PLB1: variants seen among roughly 807,000 people sequenced by gnomAD.
PLB1 encodes phospholipase B1, membrane-associated.
A neutral mutation model predicts 227.4 loss-of-function variants in PLB1; 242 were observed. The ratio of observed to expected loss-of-function variants is 1.06; its 90% CI spans 0.96 to 1.18. The LOEUF (loss-of-function observed/expected upper bound fraction) is 1.18, where lower values mean the gene tolerates loss of function less well. PLB1 is among the 50% of genes most tolerant of loss of function. The probability of loss-of-function intolerance (pLI) is 0.00; values close to 1 mark genes in which losing one functional copy is unlikely to be tolerated. For synonymous variants in PLB1, 757 were observed against 682.2 expected (o/e 1.11, Z -1.71); for missense variants, 1,858 against 1,816.3 (o/e 1.02, Z -0.42).
chr2:28,554,860 A>T (rs1249652098), intron 17 of PLB1, among the ~76,000 whole-genome samples: 1 of 152,118 alleles, frequency 6.6e-6, no homozygotes, highest in Non-Finnish European at 1.5e-5. Context: ...TGTGTTTATC[A>T]GTACTTGAAG....
rs142314104 is a variant in PLB1, at chr2:28,602,845, G to C, written c.2698G>C (p.Val900Leu). The change falls in exon 39 of 58, where the codon GTG (valine) becomes CTG (leucine). Residue 900 changes from valine to leucine, a missense_variant. Transcript: ENST00000327757. ...REVPRVLVNL[V>L]DFLNPTIMRQ... ...GGTGCCCAGAGTCCTGGTCAACCTC[G>C]TGGACTTCCTGAACCCCACTATCAT... 3 of 1,613,998 alleles carry C rather than the reference G, an allele frequency of 1.9e-6. No individual in the cohort carries two copies. Among genetic ancestry groups the C allele is most frequent in the Middle Eastern group, 3.3e-4 (2 of 6,080 alleles).
chr2:28,507,840 C>G (rs1433670154), intron 1 of PLB1, among the ~76,000 whole-genome samples: 1 of 152,156 alleles, frequency 6.6e-6, no homozygotes, highest in East Asian at 1.9e-4. Flanking sequence ...GTGGTGTGGT[C>G]TCTCTGGGAC....
Position 28,529,792 on chromosome 2 carries a change from C to A in PLB1, c.468+13C>A. 1 of 1,613,808 alleles carries A rather than the reference C, an allele frequency of 6.2e-7. No homozygotes were observed. The highest frequency in any genetic ancestry group is 8.5e-7 in the Non-Finnish European group (1 of 1,179,730). ...GAAAGAGAACCTGGTAAGCATCCGTCCAACTCTGGCATGGCTGGGCTGCCT... is the reference window on the plus strand; with the variant it reads ...GAAAGAGAACCTGGTAAGCATCCGTACAACTCTGGCATGGCTGGGCTGCCT... On this transcript the variant is annotated intron_variant, in intron 8 of 57. Coordinates refer to ENST00000327757, the MANE Select transcript of PLB1 (RefSeq NM_153021.5).
At chr2:28,526,629 T>TA in intron 6 of PLB1, among the ~76,000 whole-genome samples, 1 of 152,340 alleles carries the variant, frequency 6.6e-6, no homozygotes, top group East Asian at 1.9e-4. Context: ...AGCGGGATGT[T>TA]AGTCTCCTAT....
intron 53 of PLB1, among the ~76,000 whole-genome samples, chr2:28,630,019 C>T (rs1300351584): frequency 6.6e-6 from 1 of 152,202 alleles, no homozygotes; most frequent in Non-Finnish European, 1.5e-5. Flanking sequence ...CAGGGAACGG[C>T]TCCTCCAGAG....
chr2:28,597,581 A>G (rs1683169469), intron 33 of PLB1, among the ~76,000 whole-genome samples: 1 of 152,196 alleles, frequency 6.6e-6, no homozygotes, highest in Non-Finnish European at 1.5e-5. Context: ...CTATTTTCCA[A>G]AGGCTTCCAG....
chr2:28,627,740 C>T (rs980402340), intron 51 of PLB1, among the ~76,000 whole-genome samples: 9 of 152,144 alleles, frequency 5.9e-5, no homozygotes, highest in African/African-American at 1.2e-4. Context: ...CTCAGCTCTT[C>T]GTCTCCAGAA....
At position 28,593,667 on chromosome 2, in the gene PLB1, G is replaced by C; in HGVS notation, c.2248-14G>C. Reference sequence around the variant, plus strand: ...CTTGCTAATTTTCCTATGGACTCTGGTATATTTTCAAAGGCTGGCAATGGA... The same window carrying C: ...CTTGCTAATTTTCCTATGGACTCTGCTATATTTTCAAAGGCTGGCAATGGA... On this transcript the variant is annotated splice_polypyrimidine_tract_variant and intron_variant, in intron 32 of 57. Transcript: ENST00000327757. 1 of 1,613,064 alleles carries C rather than the reference G, an allele frequency of 6.2e-7. No individual in the cohort carries two copies. Among genetic ancestry groups the C allele is most frequent in the Non-Finnish European group, 8.5e-7 (1 of 1,179,126 alleles).
At position 28,541,735 on chromosome 2, in the gene PLB1, G is replaced by A. The variant is rs1300081672; in HGVS notation, c.803G>A (p.Ser268Asn). ...QEAWNSLLAS[S>N]RYSEQESFTV... ...GCCTGGAACAGCCTCCTGGCCTCCA[G>A]CAGGTACAGTGAGCAGGAGTCCTTC... Residue 268 changes from serine to asparagine, a missense_variant, in exon 13 of 58, where the codon AGC becomes AAC. By Grantham distance (46) the Ser-to-Asn change is conservative. Transcript: ENST00000327757. 12 of 1,614,022 alleles carry A rather than the reference G, an allele frequency of 7.4e-6. No individual in the cohort carries two copies. Among genetic ancestry groups the A allele is most frequent in the Non-Finnish European group, 1.0e-5 (12 of 1,180,000 alleles).
chr2:28,602,033 A>G (rs1683999177), intron 38 of PLB1, 69 bp downstream of exon 38: 2 of 1,388,298 alleles, frequency 1.4e-6, no homozygotes, highest in African/African-American at 1.4e-5. Context: ...ATGGGGGGAA[A>G]GAATGAGAGA....
chr2:28,609,811 G>T (rs1015183123), intron 43 of PLB1, among the ~76,000 whole-genome samples: 2 of 152,044 alleles, frequency 1.3e-5, no homozygotes, highest in African/African-American at 4.8e-5. Flanking sequence ...CTATCTAATC[G>T]GATTCTTACC....
intron 5 of PLB1, among the ~76,000 whole-genome samples, chr2:28,525,698 G>A (rs774944518): frequency 4.6e-5 from 7 of 152,124 alleles, no homozygotes; most frequent in East Asian, 1.9e-4. Context: ...TTGGAGGAGC[G>A]GAGGAGGGTC....
intron 33 of PLB1, among the ~76,000 whole-genome samples, chr2:28,596,561 G>A (rs1682947851): frequency 6.6e-6 from 1 of 152,242 alleles, no homozygotes; most frequent in African/African-American, 2.4e-5. Context: ...TAGAACACAA[G>A]TGATTGGCAG....
At chr2:28,581,599 T>C (rs1355775625) in intron 23 of PLB1, among the ~76,000 whole-genome samples, 1 of 152,014 alleles carries the variant, frequency 6.6e-6, no homozygotes, top group Admixed American at 6.6e-5. Context: ...CTGAGGATCA[T>C]GGGGCTGGTG....
At chr2:28,610,336 T>C (rs915659308) in intron 43 of PLB1, among the ~76,000 whole-genome samples, 3 of 151,786 alleles carry the variant, frequency 2.0e-5, no homozygotes, top group Admixed American at 6.6e-5. Flanking sequence ...TAATTAATAG[T>C]GATGGGGTCT....
chr2:28,576,880 G>A (rs1159386426), intron 21 of PLB1, among the ~76,000 whole-genome samples: 1 of 152,144 alleles, frequency 6.6e-6, no homozygotes. Context: ...CCAGGTAATC[G>A]AATACCTAGT....
intron 33 of PLB1, chr2:28,594,067 C>T (rs759130182): frequency 9.0e-6 from 6 of 667,778 alleles, no homozygotes; most frequent in East Asian, 3.4e-5. Context: ...TTCACCTCCC[C>T]GCTTGCATGT....
At chr2:28,525,510 G>A (rs1020083942) in intron 5 of PLB1, among the ~76,000 whole-genome samples, 4 of 152,252 alleles carry the variant, frequency 2.6e-5, no homozygotes, top group Middle Eastern at 6.8e-3. Flanking sequence ...GAGAACCCCA[G>A]TGGGTCCTTG....
intron 9 of PLB1, 142 bp downstream of exon 9, chr2:28,532,336 G>A (rs1671130382): frequency 1.9e-6 from 1 of 539,538 alleles, no homozygotes; most frequent in Non-Finnish European, 3.3e-6. Flanking sequence ...ATGGATGGAT[G>A]GATGGATGGA....
Sources: allele counts gnomAD v4.1 joint callset (sites outside exome capture counted in the v4.1 genomes callset), GRCh38; gene constraint gnomAD v4.1.1; transcripts MANE v1.5; gene names NCBI Gene and HGNC (gene_info 2026-07-23, HGNC 2026-07-21).